Variants in PUM3 observed in about 807,000 individuals in gnomAD.
The protein encoded by PUM3 is pumilio homolog 3.
Under a neutral mutation model 84.0 loss-of-function variants are expected in PUM3, and 91 were observed. That is an observed-to-expected ratio of 1.08 (90% confidence interval 0.91 to 1.29). The LOEUF is 1.29. Among genes scored for constraint, PUM3 ranks in the 50% most tolerant of loss-of-function variants. The probability of loss-of-function intolerance (pLI) is 0.00; values close to 1 mark genes in which losing one functional copy is unlikely to be tolerated. For synonymous variants in PUM3, 321 were observed against 266.7 expected (o/e 1.20, Z -1.98); for missense variants, 1,067 against 767.5 (o/e 1.39, Z -4.61).
At chr9:2,838,290 T>C (rs541878158) in intron 2 of PUM3, 136 bp downstream of exon 2, 74 of 672,396 alleles carry the variant, frequency 1.1e-4, no homozygotes, top group Non-Finnish European at 1.1e-4. Flanking sequence ...ACATGTTAAC[T>C]CATACACAAT....
intron 1 of PUM3, among the ~76,000 whole-genome samples, chr9:2,843,307 A>G (rs1030137344): frequency 1.3e-5 from 2 of 152,086 alleles, no homozygotes; most frequent in Non-Finnish European, 2.9e-5. Flanking sequence ...CTCTGCTTGA[A>G]GTACTCCCTG....
At chr9:2,828,527 G>C (rs1479077510) in intron 9 of PUM3, 148 bp downstream of exon 9, 8 of 574,012 alleles carry the variant, frequency 1.4e-5, no homozygotes, top group Non-Finnish European at 2.5e-5. Flanking sequence ...CACCAAGAAT[G>C]GTTTCAAACC....
chr9:2,809,672 G>A (rs1304318110), intron 16 of PUM3, among the ~76,000 whole-genome samples: 1 of 152,124 alleles, frequency 6.6e-6, no homozygotes, highest in Non-Finnish European at 1.5e-5. Flanking sequence ...TCTCTCCAGT[G>A]GTTTAAATAC....
chr9:2,840,891 T>C (rs551326208), intron 1 of PUM3, among the ~76,000 whole-genome samples: 1 of 152,266 alleles, frequency 6.6e-6, no homozygotes, highest in Admixed American at 6.5e-5. Context: ...ATCTGAGTGC[T>C]AGGCGCACTT....
In PUM3 at chr9:2,811,581, T is replaced by C. The variant is rs919572079; in HGVS notation, c.1415A>G (p.Lys472Arg). ...CCGTCTGCGGACCTCTGTATCTTTCTTACTGTTGAGTATGTTGAACGGGGT... is the reference window on the plus strand; with the variant it reads ...CCGTCTGCGGACCTCTGTATCTTTCCTACTGTTGAGTATGTTGAACGGGGT... ...LQKGDGNAHS[K>R]KDTEVRRREL... The change falls in exon 15 of 18, where the codon AAG (lysine) becomes AGG (arginine). Residue 472 changes from lysine (K) to arginine (R), a missense_variant and splice_region_variant. Transcript: ENST00000397885. 2 of 1,612,402 alleles carry C rather than the reference T, an allele frequency of 1.2e-6. No homozygotes were observed. Among genetic ancestry groups the C allele is most frequent in the Non-Finnish European group, 1.7e-6 (2 of 1,178,616 alleles).
At chr9:2,832,624 A>G (rs1003663812) in intron 5 of PUM3, among the ~76,000 whole-genome samples, 1 of 152,226 alleles carries the variant, frequency 6.6e-6, no homozygotes, top group Non-Finnish European at 1.5e-5. Context: ...TCCTGAGTGA[A>G]ATATTTATAA....
chr9:2,843,802 TCTC>T (rs1210774833), intron 1 of PUM3, among the ~76,000 whole-genome samples: 1 of 151,690 alleles, frequency 6.6e-6, no homozygotes, highest in Admixed American at 6.6e-5. Context: ...ATGGTCTCGA[TCTC>T]CTGACCTTGT....
At chr9:2,822,397 C>G (rs577911010) in intron 12 of PUM3, among the ~76,000 whole-genome samples, 12 of 151,810 alleles carry the variant, frequency 7.9e-5, no homozygotes, top group Non-Finnish European at 1.6e-4. Flanking sequence ...TATCCAGAAA[C>G]CCCCAATATT....
intron 2 of PUM3, 21 bp downstream of exon 2, chr9:2,838,405 C>G: frequency 6.5e-7 from 1 of 1,537,696 alleles, no homozygotes; most frequent in Non-Finnish European, 9.0e-7. Context: ...GCCAAACACC[C>G]ACATGGGAAG....
At position 2,833,080 on chromosome 9, in the gene PUM3, A is replaced by T. The variant is rs544117625; in HGVS notation, c.516+277T>A. 5.9e-5 allele frequency among the ~76,000 whole-genome samples: 9 copies of T among 152,336 alleles called. No homozygotes were observed. The South Asian group carries it at 1.9e-3, about 32-fold the overall frequency. ...CACATTTATAAAATACTACTGAACT[A>T]ATAAACTTCTCAAGATAACTTTAAG... On this transcript the variant is annotated intron_variant, in intron 5 of 17. Transcript: ENST00000397885.
At chr9:2,814,695 C>A (rs757113661) in intron 13 of PUM3, among the ~76,000 whole-genome samples, 4 of 152,016 alleles carry the variant, frequency 2.6e-5, no homozygotes, top group Non-Finnish European at 5.9e-5. Flanking sequence ...ATAGCCTGGG[C>A]CAATTTCTAC....
At chr9:2,835,719 T>C (rs987857852) in intron 3 of PUM3, among the ~76,000 whole-genome samples, 16 of 152,140 alleles carry the variant, frequency 1.1e-4, no homozygotes, top group African/African-American at 2.9e-4. Context: ...ACATATGTCA[T>C]GCTAGGCTGC....
chr9:2,843,901 CCA>C (rs1051852539), intron 1 of PUM3, 142 bp downstream of exon 1: 2 of 153,690 alleles, frequency 1.3e-5, no homozygotes, highest in African/African-American at 4.8e-5. Flanking sequence ...TTGCCAGGCT[CCA>C]GTCAGTCCCA....
chr9:2,825,553 G>A (rs931893821), intron 10 of PUM3, among the ~76,000 whole-genome samples: 1 of 151,868 alleles, frequency 6.6e-6, no homozygotes, highest in Admixed American at 6.6e-5. Flanking sequence ...TGCCATCTTG[G>A]CTTACTGCAA....
At chr9:2,824,674 C>T (rs994753323) in intron 11 of PUM3, 43 bp downstream of exon 11, 2 of 1,294,926 alleles carry the variant, frequency 1.5e-6, no homozygotes, top group Admixed American at 2.3e-5. Flanking sequence ...AAAGCATGGC[C>T]CTGACTTGTA....
chr9:2,817,486 A>T (rs532718291), intron 13 of PUM3, among the ~76,000 whole-genome samples: 1 of 152,302 alleles, frequency 6.6e-6, no homozygotes, highest in South Asian at 2.1e-4. Flanking sequence ...AGGCTTGCTG[A>T]CCCCTGACAA....
chr9:2,832,576 G>C (rs893446667), intron 5 of PUM3, among the ~76,000 whole-genome samples: 1 of 152,118 alleles, frequency 6.6e-6, no homozygotes, highest in Non-Finnish European at 1.5e-5. Flanking sequence ...CTAACACCAT[G>C]GTCATACAGC....
At chr9:2,839,092 T>A (rs1398394930) in intron 1 of PUM3, among the ~76,000 whole-genome samples, 1 of 152,206 alleles carries the variant, frequency 6.6e-6, no homozygotes, top group African/African-American at 2.4e-5. Flanking sequence ...GGCAGTGAAC[T>A]CCAAAATAAG....
chr9:2,841,012 C>G (rs149662081), intron 1 of PUM3, among the ~76,000 whole-genome samples: 1 of 152,164 alleles, frequency 6.6e-6, no homozygotes, highest in Non-Finnish European at 1.5e-5. Flanking sequence ...ATTTTTATAT[C>G]TATTACAATA....
Sources: gnomAD v4.1 joint callset for allele counts (sites outside exome capture counted in the v4.1 genomes callset) on GRCh38, gnomAD v4.1.1 for gene constraint, MANE v1.5 for transcripts, NCBI Gene and HGNC (gene_info 2026-07-23, HGNC 2026-07-21) for gene names.